Variants in AJAP1 observed in about 807,000 individuals in gnomAD.
AJAP1 encodes the protein adherens junctions associated protein 1.
AJAP1 carries 5 observed loss-of-function variants against 35.0 expected under a neutral mutation model. The ratio of observed to expected loss-of-function variants is 0.14; its 90% CI spans 0.07 to 0.30. The LOEUF (loss-of-function observed/expected upper bound fraction) is 0.30, where lower values mean the gene tolerates loss of function less well. AJAP1 is among the 10% of genes least tolerant of loss of function. The pLI is 1.00. For synonymous variants in AJAP1, 284 were observed against 249.3 expected, an observed-to-expected ratio of 1.14 and a Z score of -1.31; for missense variants, 586 against 571.0, an observed-to-expected ratio of 1.03 and a Z score of -0.27.
At chr1:4,657,491 C>T (rs1391123934) in intron 1 of AJAP1, among the ~76,000 whole-genome samples, 1 of 152,176 alleles carries the variant, frequency 6.6e-6, no homozygotes, top group Non-Finnish European at 1.5e-5. Flanking sequence ...GACTCTGAGC[C>T]AAAGGGTTGC....
At chr1:4,717,479 C>T (rs1009402166) in intron 2 of AJAP1, among the ~76,000 whole-genome samples, 9 of 152,212 alleles carry the variant, frequency 5.9e-5, no homozygotes, top group African/African-American at 1.7e-4. Context: ...CAATCAGTCA[C>T]GTATTCGTGA....
chr1:4,740,976 C>G (rs1021100325), intron 2 of AJAP1, among the ~76,000 whole-genome samples: 2 of 152,024 alleles, frequency 1.3e-5, no homozygotes, highest in Non-Finnish European at 2.9e-5. Flanking sequence ...AAGGACACTT[C>G]CTGAATGTTG....
intron 1 of AJAP1, among the ~76,000 whole-genome samples, chr1:4,700,148 C>T (rs1345201743): frequency 6.6e-6 from 1 of 152,174 alleles, no homozygotes; most frequent in Non-Finnish European, 1.5e-5. Context: ...GCTGTGTGCT[C>T]CTGATACACC....
At chr1:4,779,678 C>T (rs1173523390) in intron 5 of AJAP1, among the ~76,000 whole-genome samples, 1 of 152,034 alleles carries the variant, frequency 6.6e-6, no homozygotes, top group Admixed American at 6.6e-5. Flanking sequence ...AAAAGGTTGG[C>T]CTTGTGAGTA....
chr1:4,665,986 G>A (rs1157628054), intron 1 of AJAP1, among the ~76,000 whole-genome samples: 2 of 152,356 alleles, frequency 1.3e-5, no homozygotes, highest in East Asian at 1.9e-4. Flanking sequence ...ACAGCCAGGC[G>A]GAGGGAATGG....
chr1:4,672,851 T>C (rs1639278406), intron 1 of AJAP1, among the ~76,000 whole-genome samples: 1 of 152,188 alleles, frequency 6.6e-6, no homozygotes, highest in Non-Finnish European at 1.5e-5. Context: ...TCATCCTCAA[T>C]TATTCCCAGT....
chr1:4,727,008 G>A (rs1036205731), intron 2 of AJAP1, among the ~76,000 whole-genome samples: 1 of 152,208 alleles, frequency 6.6e-6, no homozygotes, highest in Non-Finnish European at 1.5e-5. Context: ...GCCCCCGGGA[G>A]CCCAGCCCCC....
chr1:4,761,533 C>T (rs144605950), intron 2 of AJAP1, among the ~76,000 whole-genome samples: 1,845 of 152,314 alleles, frequency 0.012, 41 homozygotes, highest in African/African-American at 0.042. Flanking sequence ...CATTGGCCAT[C>T]GGCCATTTCT....
chr1:4,783,246 C>T lies in AJAP1; in HGVS notation c.*761C>T, dbSNP rs41311394. ...GCATTACACACACACAATACACATACATGCATATAGACGCATCTATTGGAA... is the reference window on the plus strand; with the variant it reads ...GCATTACACACACACAATACACATATATGCATATAGACGCATCTATTGGAA... On this transcript the variant is annotated 3_prime_UTR_variant, in exon 6 of 6. Coordinates refer to ENST00000378191, the MANE Select transcript of AJAP1 (RefSeq NM_018836.4). 51,070 of 157,338 alleles carry T rather than the reference C, an allele frequency of 0.32. 9,522 individuals carry two copies. The highest frequency in any genetic ancestry group is 0.49 in the African/African-American group (20,274 of 41,416). 9.7% of individuals were successfully genotyped at this position (157,338 alleles called of 1,614,324 possible).
chr1:4,757,056 A>T (rs1284635384), intron 2 of AJAP1, among the ~76,000 whole-genome samples: 2 of 152,074 alleles, frequency 1.3e-5, no homozygotes, highest in East Asian at 3.9e-4. Flanking sequence ...CTCACACATG[A>T]GTCGTTGTTT....
chr1:4,720,023 C>A lies in AJAP1; in HGVS notation c.829+7324C>A, dbSNP rs1640482710. Among the ~76,000 whole-genome samples, 1 of 152,162 alleles carries A rather than the reference C, an allele frequency of 6.6e-6. No individual in the cohort carries two copies. Among genetic ancestry groups the A allele is most frequent in the Non-Finnish European group, 1.5e-5 (1 of 68,026 alleles). ...TGCCCCACCTCTGCCCAGGAGTGGC[C>A]TGCATTGTGGATGTCTAGCTTAAAA... On this transcript the variant is annotated intron_variant, in intron 2 of 5. Coordinates refer to ENST00000378191, the MANE Select transcript of AJAP1 (RefSeq NM_018836.4). The surrounding 1 kb of genome is among the most constrained non-coding windows in gnomAD (Gnocchi z 4.4).
At position 4,702,814 on chromosome 1, in the gene AJAP1, C is replaced by T. The variant is rs1640017389; in HGVS notation, c.30-9086C>T. ...CGCCTCCCAGAGCTGTCTGGGGAAG[C>T]TTCGTGGGCCTTGACCTCAGAGCAG... On this transcript the variant is annotated intron_variant, in intron 1 of 5. Transcript: ENST00000378191. 2.0e-5 allele frequency among the ~76,000 whole-genome samples: 3 copies of T among 152,320 alleles called. No homozygotes were observed. In the South Asian group the frequency reaches 6.2e-4, roughly 32 times the overall value.
At chr1:4,761,103 C>T (rs1641554834) in intron 2 of AJAP1, among the ~76,000 whole-genome samples, 1 of 152,316 alleles carries the variant, frequency 6.6e-6, no homozygotes, top group African/African-American at 2.4e-5. Context: ...CTTTGGAAAG[C>T]CTTTTAACTC....
intron 5 of AJAP1, among the ~76,000 whole-genome samples, chr1:4,778,849 G>A (rs547343595): frequency 6.6e-6 from 1 of 152,124 alleles, no homozygotes; most frequent in East Asian, 1.9e-4. Flanking sequence ...GGGTCTTAGC[G>A]ACTGAGGACA....
intron 2 of AJAP1, among the ~76,000 whole-genome samples, chr1:4,730,773 T>C (rs1292743213): frequency 6.6e-6 from 1 of 152,186 alleles, no homozygotes; most frequent in East Asian, 1.9e-4. Context: ...GAGTGCAGCC[T>C]GGAGTTGGAT....
chr1:4,678,972 A>T (rs571168679), intron 1 of AJAP1, among the ~76,000 whole-genome samples: 1 of 152,312 alleles, frequency 6.6e-6, no homozygotes, highest in East Asian at 1.9e-4. Context: ...ATTCCCAGAG[A>T]TGTTCAGTAA....
intron 2 of AJAP1, among the ~76,000 whole-genome samples, chr1:4,728,486 A>G (rs918410805): frequency 3.3e-5 from 5 of 152,122 alleles, no homozygotes; most frequent in Non-Finnish European, 5.9e-5. Context: ...TCTGAGTGAC[A>G]CCTGCTCCCA....
intron 1 of AJAP1, among the ~76,000 whole-genome samples, chr1:4,678,479 T>C (rs1639407654): frequency 6.6e-6 from 1 of 152,208 alleles, no homozygotes; most frequent in African/African-American, 2.4e-5. Flanking sequence ...GCCAAGCTCA[T>C]GTGGTTGTTA....
rs1180479268 is a variant in AJAP1, at chr1:4,723,206, A to G, written c.829+10507A>G. On this transcript the variant is annotated intron_variant, in intron 2 of 5. Coordinates refer to ENST00000378191, the MANE Select transcript of AJAP1 (RefSeq NM_018836.4). The surrounding 1 kb of genome is among the most constrained non-coding windows in gnomAD (Gnocchi z 4.3). ...GGGGTGCATTTAATTGAGAGGCAGA[A>G]GCTGGGGAGCAGCAGATTGGAAGGA... Among the ~76,000 whole-genome samples, 1 of 152,204 alleles carries G rather than the reference A, an allele frequency of 6.6e-6. No homozygotes were observed. The highest frequency in any genetic ancestry group is 1.5e-5 in the Non-Finnish European group (1 of 68,036).
Sources: allele counts gnomAD v4.1 joint callset (sites outside exome capture counted in the v4.1 genomes callset), GRCh38; gene constraint gnomAD v4.1.1; non-coding constraint Gnocchi (gnomAD v3.1); transcripts MANE v1.5; gene names NCBI Gene and HGNC (gene_info 2026-07-23, HGNC 2026-07-21).